The following THSD7A variants were observed in gnomAD, a reference collection of about 807,000 sequenced individuals.
THSD7A encodes the protein thrombospondin type 1 domain containing 7A.
THSD7A carries 96 observed loss-of-function variants against 231.3 expected under a neutral mutation model. The observed-to-expected ratio is 0.41, with a 90% CI of 0.35 to 0.49. The LOEUF is 0.49. Ranked by LOEUF, THSD7A falls within the 20% of genes least tolerant of loss-of-function variation. The pLI, the probability that THSD7A is intolerant of heterozygous loss-of-function variation, is 0.05. For missense variants in THSD7A, 2,290 were observed against 2,070.2 expected, an observed-to-expected ratio of 1.11 and a Z score of -2.06; for synonymous variants, 940 against 743.3, an observed-to-expected ratio of 1.26 and a Z score of -4.30.
chr7:11,545,356 A>C (rs1789336234), intron 4 of THSD7A, among the ~76,000 whole-genome samples: 1 of 152,134 alleles, frequency 6.6e-6, no homozygotes, highest in East Asian at 1.9e-4. Context: ...GAATCTTATT[A>C]GAGTCTGAAT....
rs1782331421 is a variant in THSD7A at position 11,377,715 on chromosome 7, T to G, written c.4802-1058A>C. Among the ~76,000 whole-genome samples the G allele has an allele frequency of 6.6e-6, 1 of 152,148 alleles. No individual in the cohort carries two copies. Among genetic ancestry groups the G allele is most frequent in the African/African-American group, 2.4e-5 (1 of 41,456 alleles). On this transcript the variant is annotated intron_variant, in intron 26 of 27. Transcript: ENST00000423059. The surrounding 1 kb of genome is among the most constrained non-coding windows in gnomAD (Gnocchi z 4.5). ...GAGCTGTTCCACGATTGAGGATCTCTGTTGAGAGTTTCTTCAACAAATGTT... is the reference window on the plus strand; with the variant it reads ...GAGCTGTTCCACGATTGAGGATCTCGGTTGAGAGTTTCTTCAACAAATGTT...
At chr7:11,732,089 A>T (rs1238945903) in intron 1 of THSD7A, among the ~76,000 whole-genome samples, 1 of 151,720 alleles carries the variant, frequency 6.6e-6, no homozygotes, top group Non-Finnish European at 1.5e-5. Context: ...TTCTCTAAAA[A>T]AGTTCCTTAC....
At chr7:11,565,189 CA>C (rs1200676388) in intron 4 of THSD7A, among the ~76,000 whole-genome samples, 3 of 152,136 alleles carry the variant, frequency 2.0e-5, no homozygotes, top group African/African-American at 7.2e-5. Context: ...TTAAAATAAG[CA>C]GTCTGGAATA....
In THSD7A at chr7:11,636,186, T is replaced by A. The variant is rs1215569870; in HGVS notation, c.966A>T (p.Gly322=). Reference sequence around the variant, plus strand: ...TGCACATAACCTCTCTGGTCTGATATCCAATCTGGATGTCCCAATATTTGT... The same window carrying A: ...TGCACATAACCTCTCTGGTCTGATAACCAATCTGGATGTCCCAATATTTGT... ...QENKYWDIQI[G]YQTREVMCIN... Residue 322 remains glycine, a synonymous_variant, in exon 2 of 28, where the codon GGA becomes GGT. Transcript: ENST00000423059. The surrounding 1 kb of genome is among the most constrained non-coding windows in gnomAD (Gnocchi z 10.0). 1.1e-5 allele frequency: 17 copies of A among 1,614,030 alleles called. No individual in the cohort carries two copies. Among genetic ancestry groups the A allele is most frequent in the Non-Finnish European group, 1.4e-5 (17 of 1,179,892 alleles).
At position 11,481,768 on chromosome 7, in the gene THSD7A, G is replaced by A. The variant is rs774745962; in HGVS notation, c.2017+20C>T. 2.1e-5 allele frequency: 33 copies of A among 1,576,992 alleles called. No homozygotes were observed. Among genetic ancestry groups the A allele is most frequent in the South Asian group, 3.5e-5 (3 of 86,088 alleles). ...AACTTTTGAAACGAACCTAGATGGC[G>A]TCTGAAGCTGGCGACTCACCTTCTT... On this transcript the variant is annotated intron_variant, in intron 7 of 27. Transcript: ENST00000423059.
rs573921295 is a variant in THSD7A, at chr7:11,821,373, T to C, written c.190+10384A>G. ...GACTAATTTGATGACTTTTTATCTCTTCTCCCTTGCCCTGATTTTAAAAGC... is the reference window on the plus strand; with the variant it reads ...GACTAATTTGATGACTTTTTATCTCCTCTCCCTTGCCCTGATTTTAAAAGC... On this transcript the variant is annotated intron_variant, in intron 1 of 27. Transcript: ENST00000423059. 1.1e-3 allele frequency: 650 copies of C among 568,660 alleles called. 5 individuals carry two copies. The highest frequency in any genetic ancestry group is 6.3e-3 in the South Asian group (333 of 52,588). 35.2% of individuals were successfully genotyped at this position (568,660 alleles called of 1,614,324 possible).
intron 1 of THSD7A, among the ~76,000 whole-genome samples, chr7:11,746,898 C>T (rs1036895482): frequency 4.0e-5 from 6 of 151,734 alleles, no homozygotes; most frequent in Non-Finnish European, 5.9e-5. Flanking sequence ...GGTCCTTTCT[C>T]TCATTTTTTG....
intron 1 of THSD7A, among the ~76,000 whole-genome samples, chr7:11,769,153 A>ATATATATTTTT: frequency 3.6e-5 from 1 of 27,662 alleles, no homozygotes; most frequent in Non-Finnish European, 7.0e-5. Flanking sequence ...ATATATATAT[A>ATATATATTTTT]TTTTTTTTTT....
At chr7:11,430,501 C>G (rs1432339573) in intron 13 of THSD7A, among the ~76,000 whole-genome samples, 5 of 152,116 alleles carry the variant, frequency 3.3e-5, no homozygotes, top group Non-Finnish European at 7.3e-5. Flanking sequence ...CACTCTGTCA[C>G]CCAGGCTGGA....
chr7:11,429,961 C>A (rs1784429966), intron 13 of THSD7A, among the ~76,000 whole-genome samples: 1 of 152,148 alleles, frequency 6.6e-6, no homozygotes, highest in African/African-American at 2.4e-5. Flanking sequence ...TACAAACTTG[C>A]CATTTCACAA....
chr7:11,777,236 C>A (rs1783437823), intron 1 of THSD7A, among the ~76,000 whole-genome samples: 1 of 152,064 alleles, frequency 6.6e-6, no homozygotes. Flanking sequence ...CATTTGACAA[C>A]ATTTTCAAGA....
At chr7:11,424,973 A>G in intron 15 of THSD7A, 144 bp from the exon 16 acceptor site, 2 of 973,136 alleles carry the variant, frequency 2.1e-6, no homozygotes, top group Non-Finnish European at 3.0e-6. Flanking sequence ...ATTGCAATAG[A>G]GAGAACTCAA....
chr7:11,595,349 G>C (rs760909033), intron 2 of THSD7A, among the ~76,000 whole-genome samples: 1 of 152,162 alleles, frequency 6.6e-6, no homozygotes, highest in Non-Finnish European at 1.5e-5. Context: ...GATATTAAGA[G>C]TGTGGGGTAA....
At chr7:11,434,896 T>C (rs1003853790) in intron 13 of THSD7A, among the ~76,000 whole-genome samples, 1 of 152,182 alleles carries the variant, frequency 6.6e-6, no homozygotes, top group South Asian at 2.1e-4. Flanking sequence ...TATATTCCAA[T>C]GTTCTACCCG....
intron 4 of THSD7A, among the ~76,000 whole-genome samples, chr7:11,570,231 T>C (rs1041990982): frequency 1.3e-5 from 2 of 151,632 alleles, no homozygotes; most frequent in African/African-American, 4.8e-5. Context: ...TTATGTTAAG[T>C]GAAATAAGCC....
chr7:11,639,442 G>A (rs1178723185), intron 1 of THSD7A, among the ~76,000 whole-genome samples: 1 of 152,206 alleles, frequency 6.6e-6, no homozygotes, highest in African/African-American at 2.4e-5. Flanking sequence ...GGCCGAGGCG[G>A]GCGGATCACA....
chr7:11,675,574 TGGG>T (rs747607714), intron 1 of THSD7A, among the ~76,000 whole-genome samples: 1 of 152,062 alleles, frequency 6.6e-6, no homozygotes, highest in East Asian at 1.9e-4. Context: ...TCCAGCTTGG[TGGG>T]GGAAGGGGCA....
intron 6 of THSD7A, among the ~76,000 whole-genome samples, chr7:11,521,951 A>G (rs1375103764): frequency 6.6e-6 from 1 of 152,138 alleles, no homozygotes; most frequent in Non-Finnish European, 1.5e-5. Context: ...GATCATTATT[A>G]TCTAAAAGGG....
intron 1 of THSD7A, among the ~76,000 whole-genome samples, chr7:11,755,589 G>A (rs186778166): frequency 6.6e-6 from 1 of 152,160 alleles, no homozygotes; most frequent in African/African-American, 2.4e-5. Context: ...AGCCTCGGAT[G>A]GCAGCACAGG....
Sources: gnomAD v4.1 joint callset for allele counts (sites outside exome capture counted in the v4.1 genomes callset) on GRCh38, gnomAD v4.1.1 for gene constraint, Gnocchi (gnomAD v3.1) non-coding constraint, MANE v1.5 for transcripts, NCBI Gene and HGNC (gene_info 2026-07-23, HGNC 2026-07-21) for gene names.